The following UPF3B variants were observed in gnomAD, a reference collection of about 807,000 sequenced individuals.
UPF3B encodes regulator of nonsense transcripts 3B.
Under a neutral mutation model 40.3 loss-of-function variants are expected in UPF3B, and 7 were observed. That is an observed-to-expected ratio of 0.17 (90% CI 0.10 to 0.33). The LOEUF (loss-of-function observed/expected upper bound fraction) is 0.33. Among genes scored for constraint, UPF3B ranks in the 10% least tolerant of loss-of-function variants. The pLI is 1.00. For missense variants in UPF3B, 229 were observed against 358.9 expected (o/e 0.64, Z 2.93); for synonymous variants, 117 against 117.3 (o/e 1.00, Z 0.01).
Position 119,834,891 on chromosome X carries a change from CCTT to C in UPF3B, c.1436_1438del (p.Glu479del), listed in dbSNP as rs751692585. 9 of 1,209,715 alleles carry C rather than the reference CCTT, an allele frequency of 7.4e-6. No individual in the cohort carries two copies. Among genetic ancestry groups the C allele is most frequent in the Non-Finnish European group, 6.7e-6 (6 of 895,356 alleles). On this transcript the variant is annotated inframe_deletion, in exon 11 of 11. Transcript: ENST00000276201. ...CATCTGGACTTATCACTCCTCTCCT[CCTT>C]CTTTTCTATGGCTAATACCACTTTC...
chrX:119,846,505 T>TAAAAAAAAAAAAA (rs780880120), intron 3 of UPF3B, among the ~76,000 whole-genome samples: 18 of 57,843 alleles, frequency 3.1e-4, no homozygotes, highest in South Asian at 7.9e-4. Context: ...TCGAGCCTGG[T>TAAAAAAAAAAAAA]AAAAAAAAAA....
chrX:119,823,307 G>A (rs540228290), intron 3 of UPF3B, among the ~76,000 whole-genome samples: 3 of 111,345 alleles, frequency 2.7e-5, no homozygotes, highest in East Asian at 2.8e-4. Context: ...AGGCTGCAGT[G>A]CAAGTGGCAT....
downstream of UPF3B, chrX:119,831,680 T>A: frequency 2.7e-6 from 2 of 754,488 alleles, no homozygotes; most frequent in Non-Finnish European, 3.1e-6. Flanking sequence ...TGAGTATCTA[T>A]AGTTGGTGCT....
chrX:119,851,827 T>C lies in UPF3B; in HGVS notation c.203A>G (p.Gln68Arg), dbSNP rs770098378. ...LPPTLTKEQLQEHLQPMPEHD... is the reference protein window; with the variant it reads ...LPPTLTKEQLREHLQPMPEHD... ...CTCAGGCATAGGTTGAAGATGTTCC[T>C]GAAGCTGCTCCTTGGTCAAAGTGGG... The change falls in exon 2 of 11, where the codon CAG (glutamine) becomes CGG (arginine). Residue 68 changes from glutamine (Q) to arginine (R), a missense_variant. Transcript: ENST00000276201. The C allele has an allele frequency of 1.7e-6, 2 of 1,195,738 alleles. No individual in the cohort carries two copies. The highest frequency in any genetic ancestry group is 1.9e-5 in the African/African-American group (1 of 53,882).
At position 119,845,205 on chromosome X, in the gene UPF3B, G is replaced by A. The variant is rs1362318967; in HGVS notation, c.462C>T (p.Ile154=). ...ATTAGAGCTATACTGTACCATCATC[G>A]ATAGTCCCGACTTTGGTATCTCTTT... ...TKKRDTKVGT[I]DDDPEYRKFL... is the part of the protein sequence containing the mutation. Residue 154 remains isoleucine (I), a synonymous_variant, in exon 4 of 11, where the codon ATC becomes ATT. Coordinates refer to ENST00000276201, the MANE Select transcript of UPF3B (RefSeq NM_080632.3). 3 of 1,201,500 alleles carry A rather than the reference G, an allele frequency of 2.5e-6. No homozygotes were observed. The highest frequency in any genetic ancestry group is 3.5e-5 in the African/African-American group (2 of 57,094).
At chrX:119,828,345 G>A (rs928245760) in intron 3 of UPF3B, among the ~76,000 whole-genome samples, 4 of 112,074 alleles carry the variant, frequency 3.6e-5, no homozygotes, top group Admixed American at 1.9e-4. Context: ...GATTACAGGC[G>A]TGAGCCATCA....
intron 10 of UPF3B, among the ~76,000 whole-genome samples, chrX:119,836,008 A>G (rs1433534285): frequency 9.0e-6 from 1 of 111,067 alleles, no homozygotes; most frequent in Non-Finnish European, 1.9e-5. Flanking sequence ...AGAGAACTGA[A>G]GAAGACATTT....
intron 4 of UPF3B, among the ~76,000 whole-genome samples, chrX:119,822,320 A>C (rs1603367114): frequency 8.9e-6 from 1 of 112,599 alleles, no homozygotes; most frequent in East Asian, 2.8e-4. Context: ...ATAAAGCTTC[A>C]AAGCGACTCT....
At chrX:119,821,283 C>A (rs1339400453) in intron 4 of UPF3B, among the ~76,000 whole-genome samples, 3 of 112,192 alleles carry the variant, frequency 2.7e-5, no homozygotes, top group Non-Finnish European at 3.8e-5. Context: ...GTACAGCCTG[C>A]AGAACTGTGA....
chrX:119,838,184 A>G (rs2056122495), intron 9 of UPF3B, 133 bp from the exon 10 acceptor site: 2 of 958,648 alleles, frequency 2.1e-6, no homozygotes, highest in East Asian at 6.2e-5. Flanking sequence ...CTAGTGTTTT[A>G]AGAAGGAACA....
chrX:119,830,323 A>G (rs1378102541), downstream of UPF3B, among the ~76,000 whole-genome samples: 4 of 110,815 alleles, frequency 3.6e-5, no homozygotes, highest in African/African-American at 9.9e-5. Flanking sequence ...GTTATGGGGC[A>G]GATCCTTCAT....
intron 7 of UPF3B, 63 bp from the exon 8 acceptor site, chrX:119,840,747 G>T: frequency 9.3e-7 from 1 of 1,075,691 alleles, no homozygotes; most frequent in South Asian, 1.9e-5. Context: ...AGAAAAAGCT[G>T]AAAAAAAACC....
intron 1 of UPF3B, 99 bp downstream of exon 1, chrX:119,852,671 AAGG>A: frequency 1.8e-6 from 2 of 1,135,412 alleles, no homozygotes; most frequent in Non-Finnish European, 2.4e-6. Flanking sequence ...GAAGAGATAG[AAGG>A]AGAACCTGAG....
intron 3 of UPF3B, among the ~76,000 whole-genome samples, chrX:119,848,032 C>T (rs987315381): frequency 9.2e-6 from 1 of 108,944 alleles, no homozygotes; most frequent in African/African-American, 3.3e-5. Flanking sequence ...TAATTCCTAG[C>T]ATTTTGGGAG....
chrX:119,842,638 A>C (rs2056181144), intron 5 of UPF3B, among the ~76,000 whole-genome samples: 1 of 108,779 alleles, frequency 9.2e-6, no homozygotes, highest in Non-Finnish European at 1.9e-5. Flanking sequence ...ACAGAGAGAG[A>C]GCGAGCGAGC....
At chrX:119,841,362 C>T (rs2056159331) in intron 6 of UPF3B, 104 bp from the exon 7 acceptor site, 1 of 1,150,138 alleles carries the variant, frequency 8.7e-7, no homozygotes, top group Admixed American at 2.5e-5. Flanking sequence ...TCTTTCCTTC[C>T]TACTTTCTAC....
intron 5 of UPF3B, among the ~76,000 whole-genome samples, chrX:119,809,335 C>G (rs1286562505): frequency 8.9e-6 from 1 of 111,865 alleles, no homozygotes; most frequent in African/African-American, 3.2e-5. Context: ...TGGGTGGGGA[C>G]ACAGAGCCCA....
At chrX:119,807,027 T>TAAAAAAAAAAAAAAAAAAAAAAAAA (rs1191950024) in intron 6 of UPF3B, among the ~76,000 whole-genome samples, 1 of 21,424 alleles carries the variant, frequency 4.7e-5, no homozygotes, top group Non-Finnish European at 8.8e-5. Flanking sequence ...AGACCCTGTC[T>TAAAAAAAAAAAAAAAAAAAAAAAAA]AAAAAAAAAA....
chrX:119,809,236 A>C (rs768381356), intron 5 of UPF3B, among the ~76,000 whole-genome samples: 3 of 111,289 alleles, frequency 2.7e-5, no homozygotes, highest in Non-Finnish European at 5.6e-5. Context: ...TATCAGGAGA[A>C]CAGCATGAGG....
Sources: gnomAD v4.1 joint callset for allele counts (sites outside exome capture counted in the v4.1 genomes callset) on GRCh38, gnomAD v4.1.1 for gene constraint, MANE v1.5 for transcripts, NCBI Gene and HGNC (gene_info 2026-07-23, HGNC 2026-07-21) for gene names.